Variants in TMEM217 observed in about 807,000 individuals in gnomAD.
The protein encoded by TMEM217 is chromosome 6 open reading frame 128.
For missense variants in TMEM217, 204 were observed against 248.8 expected (o/e 0.82, Z 1.21); for synonymous variants, 76 against 88.3 (o/e 0.86, Z 0.78).
At chr6:37,221,488 T>C (rs1174723410) in intron 1 of TMEM217, among the ~76,000 whole-genome samples, 7 of 152,162 alleles carry the variant, frequency 4.6e-5, no homozygotes, top group Admixed American at 3.3e-4. Context: ...CACCTGGCCA[T>C]GTAAGTAGAA....
chr6:37,257,091 T>C (rs1358614633), intron 1 of TMEM217, among the ~76,000 whole-genome samples: 3 of 152,174 alleles, frequency 2.0e-5, no homozygotes, highest in African/African-American at 4.8e-5. Context: ...GAAATGGTAT[T>C]TGGTAATCTG....
intron 1 of TMEM217, among the ~76,000 whole-genome samples, chr6:37,256,441 G>A (rs568242211): frequency 5.3e-5 from 8 of 152,290 alleles, no homozygotes; most frequent in African/African-American, 9.6e-5. Flanking sequence ...AAAAAGAAGC[G>A]CCAGAGAAAG....
chr6:37,240,061 G>A (rs1764686639), intron 1 of TMEM217, among the ~76,000 whole-genome samples: 3 of 152,150 alleles, frequency 2.0e-5, no homozygotes, highest in Admixed American at 2.0e-4. Flanking sequence ...CTAAGAAGAG[G>A]CGAGACAGAA....
chr6:37,224,123 G>C (rs889844481), intron 1 of TMEM217, among the ~76,000 whole-genome samples: 6 of 150,104 alleles, frequency 4.0e-5, no homozygotes, highest in African/African-American at 1.5e-4. Flanking sequence ...ATTTTTAGTA[G>C]AGACAGAGTT....
At position 37,232,399 on chromosome 6, in the gene TMEM217, T is replaced by TG. The variant is rs59476677; in HGVS notation, c.-11-13359_-11-13358insC. Among the ~76,000 whole-genome samples the TG allele has an allele frequency of 2.7e-3, 404 of 152,336 alleles. 3 individuals are homozygous for TG. The highest frequency in any genetic ancestry group is 9.0e-3 in the African/African-American group (376 of 41,572). The stretch of plus-strand genomic sequence containing the variant: ...TGTTTTGTTTTGTTTTGTTTTCTTT[T>TG]TTTTGAGACGGAGTCTCGCTCTGTC... On this transcript the variant is annotated intron_variant, in intron 1 of 1. Transcript: ENST00000357219.
Position 37,247,375 on chromosome 6 carries a change from G to A in TMEM217, c.-12+10193C>T, listed in dbSNP as rs143544099. On this transcript the variant is annotated intron_variant, in intron 1 of 1. Coordinates refer to ENST00000357219, the Ensembl canonical transcript of TMEM217. The stretch of plus-strand genomic sequence containing the variant: ...AGGGGAAGGAAGGCAGTCAATAAAG[G>A]GCGAACTTTTTTACTTTTTTTTTTT... 4.5e-4 allele frequency among the ~76,000 whole-genome samples: 63 copies of A among 139,094 alleles called. No homozygotes were observed. The East Asian group carries it at 0.013, about 29-fold the overall frequency. 91.3% of individuals were successfully genotyped at this position (139,094 alleles called of 152,430 possible). A position where few individuals can be genotyped will look rare whatever the true frequency, so the allele number is the denominator to read the frequency against.
chr6:37,215,154 G>A (rs755620006), downstream of TMEM217: 25 of 1,602,034 alleles, frequency 1.6e-5, no homozygotes, highest in South Asian at 5.6e-5. Context: ...CCTTTCTGCC[G>A]CTAGCCAAGG....
At chr6:37,248,178 C>T (rs573210539) in intron 1 of TMEM217, among the ~76,000 whole-genome samples, 23 of 152,218 alleles carry the variant, frequency 1.5e-4, no homozygotes, top group African/African-American at 5.5e-4. Flanking sequence ...GTATACACCT[C>T]CATTTTTATC....
chr6:37,224,191 G>A (rs1364780703), intron 1 of TMEM217, among the ~76,000 whole-genome samples: 1 of 150,888 alleles, frequency 6.6e-6, no homozygotes, highest in Non-Finnish European at 1.5e-5. Context: ...CGCCTGCCTC[G>A]GCCTCCCAAA....
At chr6:37,222,925 C>G (rs1763625686) in intron 1 of TMEM217, among the ~76,000 whole-genome samples, 2 of 151,874 alleles carry the variant, frequency 1.3e-5, no homozygotes, top group African/African-American at 2.4e-5. Context: ...CCATTACTAG[C>G]TGATTTGAAA....
chr6:37,251,198 T>A (rs1475957044), intron 1 of TMEM217, among the ~76,000 whole-genome samples: 3 of 152,222 alleles, frequency 2.0e-5, no homozygotes. Context: ...GTTTTTTATT[T>A]TTTCATGTCA....
chr6:37,223,160 T>C (rs769729791), intron 1 of TMEM217, among the ~76,000 whole-genome samples: 7 of 151,552 alleles, frequency 4.6e-5, no homozygotes, highest in Non-Finnish European at 7.4e-5. Flanking sequence ...GATGTTCTGA[T>C]AGAGAAAGAG....
At chr6:37,217,803 T>C (rs923041635) in exon 2 of TMEM217, 1 of 985,306 alleles carries the variant, frequency 1.0e-6, no homozygotes, top group Admixed American at 6.2e-5. Flanking sequence ...ATTAAAGAGT[T>C]GTGGGTTGAA....
intron 1 of TMEM217, among the ~76,000 whole-genome samples, chr6:37,254,653 C>G (rs1396661745): frequency 6.6e-6 from 1 of 152,192 alleles, no homozygotes; most frequent in East Asian, 1.9e-4. Context: ...AATCGAAAGA[C>G]AAGAAATATT....
At chr6:37,233,900 C>A (rs1764344924) in intron 1 of TMEM217, among the ~76,000 whole-genome samples, 1 of 152,088 alleles carries the variant, frequency 6.6e-6, no homozygotes, top group African/African-American at 2.4e-5. Context: ...ACTTGGAGTA[C>A]CCATACAGCC....
At chr6:37,216,692 C>T (rs961383929), downstream of TMEM217, among the ~76,000 whole-genome samples, 2 of 152,038 alleles carry the variant, frequency 1.3e-5, no homozygotes, top group Non-Finnish European at 2.9e-5. Context: ...TTTGACTGTC[C>T]CCTTCAAAAT....
chr6:37,249,716 T>C (rs1765297943), intron 1 of TMEM217, among the ~76,000 whole-genome samples: 3 of 152,250 alleles, frequency 2.0e-5, no homozygotes, highest in Admixed American at 6.5e-5. Flanking sequence ...GATCTGACTT[T>C]GAACCACCTT....
At chr6:37,243,798 C>T (rs1764917259) in intron 1 of TMEM217, among the ~76,000 whole-genome samples, 2 of 152,048 alleles carry the variant, frequency 1.3e-5, no homozygotes, top group Admixed American at 1.3e-4. Flanking sequence ...GAGCAGAGGA[C>T]TAGGGAATGG....
downstream of TMEM217, among the ~76,000 whole-genome samples, chr6:37,215,570 C>CGAAAA (rs1763146807): frequency 1.2e-4 from 9 of 72,374 alleles, no homozygotes; most frequent in African/African-American, 3.6e-4. Context: ...GACTCTGTCT[C>CGAAAA]AAAAAAAAAA....
Sources: allele counts gnomAD v4.1 joint callset (sites outside exome capture counted in the v4.1 genomes callset), GRCh38; gene constraint gnomAD v4.1.1; transcripts MANE v1.5; gene names NCBI Gene and HGNC (gene_info 2026-07-23, HGNC 2026-07-21).